USP12: variants seen among roughly 807,000 people sequenced by gnomAD.
The protein encoded by USP12 is ubiquitin carboxyl-terminal hydrolase 12.
In USP12, 19 loss-of-function variants were observed where a neutral mutation model predicts 45.5. The observed-to-expected ratio is 0.42, with a 90% CI of 0.29 to 0.61. The LOEUF (loss-of-function observed/expected upper bound fraction) is 0.61, where lower values mean the gene tolerates loss of function less well. Ranked by LOEUF, USP12 falls within the 20% of genes least tolerant of loss-of-function variation. USP12 has a pLI of 0.22. For missense variants in USP12, 242 were observed against 447.7 expected (o/e 0.54, Z 4.15); for synonymous variants, 149 against 148.8 (o/e 1.00, Z -0.01).
At chr13:27,140,183 C>T (rs1402978330) in intron 1 of USP12, among the ~76,000 whole-genome samples, 1 of 152,054 alleles carries the variant, frequency 6.6e-6, no homozygotes, top group Non-Finnish European at 1.5e-5. Context: ...AACAAAAAGA[C>T]ATAAAACTCA....
chr13:27,078,156 G>A (rs1873579819), intron 6 of USP12, among the ~76,000 whole-genome samples: 1 of 151,336 alleles, frequency 6.6e-6, no homozygotes, highest in Admixed American at 6.6e-5. Flanking sequence ...CCTCCATATT[G>A]GGAGTTCCAC....
chr13:27,149,816 G>C (rs888036267), intron 1 of USP12, among the ~76,000 whole-genome samples: 1 of 152,200 alleles, frequency 6.6e-6, no homozygotes, highest in Non-Finnish European at 1.5e-5. Context: ...AGATCACCAG[G>C]CATTAGATTC....
chr13:27,086,268 C>T (rs9512541), intron 6 of USP12, among the ~76,000 whole-genome samples: 1 of 56,306 alleles, frequency 1.8e-5, no homozygotes, highest in Non-Finnish European at 3.6e-5. Flanking sequence ...CATATACATA[C>T]ACATATATAT....
At chr13:27,078,080 A>G (rs1448255974) in intron 6 of USP12, 1 of 152,118 alleles carries the variant, frequency 6.6e-6, no homozygotes, top group African/African-American at 2.4e-5. Context: ...TTATTTTTTT[A>G]ATGACATTTA....
chr13:27,091,669 T>C (rs954373168), intron 4 of USP12, among the ~76,000 whole-genome samples: 2 of 152,032 alleles, frequency 1.3e-5, no homozygotes, highest in African/African-American at 4.8e-5. Flanking sequence ...CATGTGATAA[T>C]AAAATGGAAC....
intron 2 of USP12, 122 bp from the exon 3 acceptor site, chr13:27,106,066 T>C (rs1875121775): frequency 1.3e-6 from 1 of 779,050 alleles, no homozygotes. Flanking sequence ...ACTATAACAC[T>C]GACTGCATTA....
At position 27,075,692 on chromosome 13, in the gene USP12, A is replaced by G. The variant is rs570812739; in HGVS notation, c.735-304T>C. Reference sequence around the variant, plus strand: ...GTTAAGGAATCTGTATTTTTCAAACACACGTCTCTTATAATAAGGCTAAAT... The same window carrying G: ...GTTAAGGAATCTGTATTTTTCAAACGCACGTCTCTTATAATAAGGCTAAAT... On this transcript the variant is annotated intron_variant, in intron 6 of 8. Coordinates refer to ENST00000282344, the MANE Select transcript of USP12 (RefSeq NM_182488.4). 2.6e-5 allele frequency among the ~76,000 whole-genome samples: 4 copies of G among 152,256 alleles called. No homozygotes were observed. The South Asian group carries it at 6.2e-4, about 24-fold the overall frequency.
intron 6 of USP12, among the ~76,000 whole-genome samples, chr13:27,082,185 T>C (rs1273894093): frequency 2.0e-5 from 3 of 152,226 alleles, no homozygotes; most frequent in Non-Finnish European, 4.4e-5. Context: ...TCCTCTATAT[T>C]GAAAATCTGT....
intron 1 of USP12, chr13:27,170,298 T>A (rs530989873): frequency 6.3e-4 from 252 of 398,612 alleles, no homozygotes; most frequent in African/African-American, 4.8e-3. Context: ...AATCTGCTTT[T>A]TAAGGCATCT....
chr13:27,171,522 G>A (rs1245860653), intron 1 of USP12, 70 bp downstream of exon 1: 3 of 799,948 alleles, frequency 3.8e-6, no homozygotes, highest in Admixed American at 5.7e-5. Context: ...CACTGGGAGA[G>A]GCGGGTCCAG....
At chr13:27,141,742 G>A (rs1238000342) in intron 1 of USP12, among the ~76,000 whole-genome samples, 1 of 152,138 alleles carries the variant, frequency 6.6e-6, no homozygotes, top group South Asian at 2.1e-4. Flanking sequence ...GAGAAGGAAT[G>A]ACAGTCCTAC....
chr13:27,097,061 A>G (rs1276489286), intron 3 of USP12, among the ~76,000 whole-genome samples: 1 of 152,118 alleles, frequency 6.6e-6, no homozygotes, highest in Non-Finnish European at 1.5e-5. Context: ...ATCTCATATA[A>G]AAGAAAACCA....
chr13:27,080,668 A>G (rs1392754067), intron 6 of USP12, among the ~76,000 whole-genome samples: 1 of 152,202 alleles, frequency 6.6e-6, no homozygotes, highest in Non-Finnish European at 1.5e-5. Flanking sequence ...AGTGACAGAA[A>G]TACAGGCATA....
chr13:27,092,558 C>T (rs890603148), intron 4 of USP12, among the ~76,000 whole-genome samples: 2 of 152,176 alleles, frequency 1.3e-5, no homozygotes, highest in African/African-American at 2.4e-5. Flanking sequence ...CAGAAATACA[C>T]TCACACAAAT....
Position 27,120,257 on chromosome 13 carries a change from C to T in USP12, c.49-3661G>A, listed in dbSNP as rs77430729. Among the ~76,000 whole-genome samples the T allele has an allele frequency of 4.4e-3, 672 of 152,290 alleles. 4 individuals are homozygous for T. The highest frequency in any genetic ancestry group is 0.016 in the African/African-American group (650 of 41,556). ...AGTAAACATTCAATAATAATAGCTCCATTCCCACATTTGAGAAGTACGACC... is the reference window on the plus strand; with the variant it reads ...AGTAAACATTCAATAATAATAGCTCTATTCCCACATTTGAGAAGTACGACC... On this transcript the variant is annotated intron_variant, in intron 1 of 8. Coordinates refer to ENST00000282344, the MANE Select transcript of USP12 (RefSeq NM_182488.4).
In USP12 at chr13:27,069,340, T is replaced by C. The variant is rs1873131916; in HGVS notation, c.1056A>G (p.Ser352=). ...CAGACTCAGAGTTCTTTGAGATATC[T>C]GATGTCAACCCGTAGAATTCTTCAA... ...QAIEEFYGLT[S]DISKNSESGY... Residue 352 remains serine (S), a synonymous_variant, in exon 9 of 9, where the codon TCA becomes TCG. Transcript: ENST00000282344. The C allele has an allele frequency of 1.2e-6, 2 of 1,612,914 alleles. No individual in the cohort carries two copies. The highest frequency in any genetic ancestry group is 8.5e-7 in the Non-Finnish European group (1 of 1,179,846).
intron 1 of USP12, among the ~76,000 whole-genome samples, chr13:27,133,293 A>G (rs1194922947): frequency 6.6e-6 from 1 of 152,238 alleles, no homozygotes. Flanking sequence ...GGGTGTGCAC[A>G]TGCTTAGACT....
At chr13:27,143,001 G>A (rs565255290) in intron 1 of USP12, among the ~76,000 whole-genome samples, 154 of 151,988 alleles carry the variant, frequency 1.0e-3, no homozygotes, top group Non-Finnish European at 1.7e-3. Context: ...GCTGAGGCAG[G>A]AGAATCGCTT....
rs1259258223 is a variant in USP12 at position 27,100,450 on chromosome 13, A to G, written c.344-4620T>C. Among the ~76,000 whole-genome samples the G allele has an allele frequency of 2.6e-5, 4 of 152,108 alleles. No individual in the cohort carries two copies. The South Asian group carries it at 8.3e-4, about 32-fold the overall frequency. On this transcript the variant is annotated intron_variant, in intron 3 of 8. Transcript: ENST00000282344. Reference sequence around the variant, plus strand: ...ACTGCTACTTGCTCTCAATCACAAAAGTGCCCAAGATACAGCCATACTATG... The same window carrying G: ...ACTGCTACTTGCTCTCAATCACAAAGGTGCCCAAGATACAGCCATACTATG...
Sources: allele counts gnomAD v4.1 joint callset (sites outside exome capture counted in the v4.1 genomes callset), GRCh38; gene constraint gnomAD v4.1.1; transcripts MANE v1.5; gene names NCBI Gene and HGNC (gene_info 2026-07-23, HGNC 2026-07-21).